CLCNKA: variants seen among roughly 807,000 people sequenced by gnomAD.
CLCNKA encodes chloride voltage-gated channel Ka, also known as chloride channel protein ClC-Ka.
A neutral mutation model predicts 83.3 loss-of-function variants in CLCNKA; 66 were observed. The ratio of observed to expected loss-of-function variants is 0.79; its 90% CI spans 0.65 to 0.97. The LOEUF is 0.97. Ranked by LOEUF, CLCNKA falls within the 50% of genes least tolerant of loss-of-function variation. The pLI, the probability that CLCNKA is intolerant of heterozygous loss-of-function variation, is 0.00. For synonymous variants in CLCNKA, 357 were observed against 370.4 expected, an observed-to-expected ratio of 0.96 and a Z score of 0.42; for missense variants, 806 against 888.7, an observed-to-expected ratio of 0.91 and a Z score of 1.18.
rs776013834 is a variant in CLCNKA at position 16,030,726 on chromosome 1, T to G, written c.1622+52T>G. Reference sequence around the variant, plus strand: ...TGAAGGGGGTCACAGTGTTTGGGCTTGGCTGGGGGTGGAGGGCACCTCCAA... The same window carrying G: ...TGAAGGGGGTCACAGTGTTTGGGCTGGGCTGGGGGTGGAGGGCACCTCCAA... On this transcript the variant is annotated intron_variant, in intron 15 of 19. Coordinates refer to ENST00000331433, the MANE Select transcript of CLCNKA (RefSeq NM_004070.4). 67 of 1,610,304 alleles carry G rather than the reference T, an allele frequency of 4.2e-5. 1 individual carries two copies. In the Middle Eastern group the frequency reaches 1.0e-3, roughly 24 times the overall value.
intron 15 of CLCNKA, 90 bp from the exon 16 acceptor site, chr1:16,031,620 G>T: frequency 6.3e-7 from 1 of 1,588,976 alleles, no homozygotes. Context: ...GTGGGTCCCT[G>T]GTTCAAGCAA....
chr1:16,025,783 T>C (rs529076652), intron 4 of CLCNKA, among the ~76,000 whole-genome samples: 221 of 152,336 alleles, frequency 1.5e-3, no homozygotes, highest in African/African-American at 5.1e-3. Flanking sequence ...AGATGGAGTT[T>C]CACTCTTGTT....
rs199851168 is a variant in CLCNKA at position 16,022,743 on chromosome 1, A to T, written c.100+24A>T. 5.2e-5 allele frequency: 76 copies of T among 1,465,620 alleles called. No homozygotes were observed. In the East Asian group the frequency reaches 9.8e-4, roughly 19 times the overall value. 90.8% of individuals were successfully genotyped at this position (1,465,620 alleles called of 1,614,324 possible). A position where few individuals can be genotyped will look rare whatever the true frequency, so the allele number is the denominator to read the frequency against. On this transcript the variant is annotated intron_variant, in intron 2 of 19. Coordinates refer to ENST00000331433, the MANE Select transcript of CLCNKA (RefSeq NM_004070.4). Reference sequence around the variant, plus strand: ...AGGTGAGAGCCAGGTCCTCTTCCCTACCCGCGGGGGACCACTCAGGACATC... The same window carrying T: ...AGGTGAGAGCCAGGTCCTCTTCCCTTCCCGCGGGGGACCACTCAGGACATC...
chr1:16,022,414 C>G (rs1222844563), intron 1 of CLCNKA, among the ~76,000 whole-genome samples, 199 bp from the exon 2 acceptor site: 1 of 152,148 alleles, frequency 6.6e-6, no homozygotes, highest in East Asian at 1.9e-4. Context: ...CCTCATCCCA[C>G]AAAATGACAC....
intron 11 of CLCNKA, 23 bp downstream of exon 11, chr1:16,028,868 G>A (rs775306015): frequency 1.9e-6 from 3 of 1,610,946 alleles, no homozygotes; most frequent in Admixed American, 3.3e-5. Flanking sequence ...GAGCGGGGGT[G>A]GCAGGAGTGG....
chr1:16,025,809 C>T (rs1463845626), intron 4 of CLCNKA, among the ~76,000 whole-genome samples: 1 of 152,164 alleles, frequency 6.6e-6, no homozygotes, highest in African/African-American at 2.4e-5. Flanking sequence ...AGGTGGAGTG[C>T]AATGGCACAA....
At position 16,027,300 on chromosome 1, in the gene CLCNKA, T is replaced by C; in HGVS notation, c.656-10T>C. On this transcript the variant is annotated splice_polypyrimidine_tract_variant and intron_variant, in intron 7 of 19. Transcript: ENST00000331433. ...GGTGGGGGCCCACCTGACATCAGTG[T>C]CGCCCCCAGGCGTCCTGTTCAGCAT... 2 of 1,612,768 alleles carry C rather than the reference T, an allele frequency of 1.2e-6. No individual in the cohort carries two copies. The highest frequency in any genetic ancestry group is 1.7e-6 in the Non-Finnish European group (2 of 1,179,960).
At chr1:16,026,511 C>G in intron 5 of CLCNKA, 25 bp from the exon 6 acceptor site, 1 of 1,613,622 alleles carries the variant, frequency 6.2e-7, no homozygotes, top group Non-Finnish European at 8.5e-7. Flanking sequence ...GCTGCCCTCA[C>G]CTGGGCCCAC....
chr1:16,027,256 A>G, intron 7 of CLCNKA, 54 bp from the exon 8 acceptor site: 1 of 1,606,242 alleles, frequency 6.2e-7, no homozygotes. Flanking sequence ...AGGGGGCCCT[A>G]CAGCCACAGG....
rs1372968236 is a variant in CLCNKA, at chr1:16,031,863, G to A, written c.1756+20G>A. The A allele has an allele frequency of 6.2e-6, 10 of 1,613,472 alleles. No homozygotes were observed. In the African/African-American group the frequency reaches 1.1e-4, roughly 17 times the overall value. The stretch of plus-strand genomic sequence containing the variant: ...GCACAGGTGCCCAGCTGGAAGGGAG[G>A]AGGAAGTCGGGGGTAGGGGATGCCC... On this transcript the variant is annotated intron_variant, in intron 16 of 19. Transcript: ENST00000331433.
Position 16,033,230 on chromosome 1 carries a change from G to A in CLCNKA, c.1990G>A (p.Ala664Thr), listed in dbSNP as rs749669024. Residue 664 changes from alanine to threonine, a missense_variant, in exon 19 of 20, where the codon GCT becomes ACT. Coordinates refer to ENST00000331433, the MANE Select transcript of CLCNKA (RefSeq NM_004070.4). ...QSLFVTSRGRAVGCVSWVEMK... is the reference protein window; with the variant it reads ...QSLFVTSRGRTVGCVSWVEMK... ...CCTCTTCGTGACATCGCGGGGCAGA[G>A]CTGTGGGCTGCGTGTCCTGGGTGGA... The A allele has an allele frequency of 6.2e-7, 1 of 1,614,140 alleles. No homozygotes were observed. Among genetic ancestry groups the A allele is most frequent in the South Asian group, 1.1e-5 (1 of 91,084 alleles).
chr1:16,032,325 G>T, intron 17 of CLCNKA, 34 bp downstream of exon 17: 1 of 1,493,114 alleles, frequency 6.7e-7, no homozygotes, highest in East Asian at 2.3e-5. Context: ...GGATGGGGCG[G>T]GGGTGGGTCA....
intron 10 of CLCNKA, 146 bp downstream of exon 10, chr1:16,028,265 C>T: frequency 3.9e-6 from 3 of 764,524 alleles, no homozygotes; most frequent in Non-Finnish European, 6.7e-6. Flanking sequence ...TCTCCAAGTC[C>T]CCACAGTCAC....
intron 19 of CLCNKA, 30 bp downstream of exon 19, chr1:16,033,286 A>C (rs1415856009): frequency 1.2e-6 from 2 of 1,610,130 alleles, no homozygotes; most frequent in Admixed American, 1.7e-5. Flanking sequence ...AGAGCAAAGC[A>C]GGGGACCCAT....
rs751477035 is a variant in CLCNKA, at chr1:16,029,782, A to G, written c.1279A>G (p.Met427Val). 6.2e-6 allele frequency: 10 copies of G among 1,614,056 alleles called. No individual in the cohort carries two copies. The East Asian group carries it at 2.2e-4, about 36-fold the overall frequency. ...CATCCCCATGCCTGCCGGGTACTTC[A>G]TGCCCATCTTTATCCTTGGTGAGTC... ...TTIPMPAGYF[M>V]PIFILGAAIG... Residue 427 changes from methionine to valine, a missense_variant, in exon 13 of 20, where the codon ATG becomes GTG. Physicochemically the swap from Met to Val is conservative, Grantham distance 21 (BLOSUM62 1). Transcript: ENST00000331433.
Position 16,031,571 on chromosome 1 carries a change from T to C in CLCNKA, c.1623-139T>C, listed in dbSNP as rs1029445923. ...CACTGTGGGTTCTAGGAGTCCCTCA[T>C]TCCAGGAACCTCTCCAGCCCTGCTC... On this transcript the variant is annotated intron_variant, in intron 15 of 19. Coordinates refer to ENST00000331433, the MANE Select transcript of CLCNKA (RefSeq NM_004070.4). The C allele has an allele frequency of 2.5e-5, 31 of 1,263,192 alleles. No individual in the cohort carries two copies. In the Admixed American group the frequency reaches 4.2e-4, roughly 17 times the overall value. 78.2% of individuals were successfully genotyped at this position (1,263,192 alleles called of 1,614,324 possible).
At chr1:16,028,915 C>A in intron 11 of CLCNKA, 70 bp downstream of exon 11, 1 of 1,566,848 alleles carries the variant, frequency 6.4e-7, no homozygotes, top group Non-Finnish European at 8.8e-7. Context: ...ATGTGTCTCA[C>A]GTAATACCCT....
chr1:16,030,761 C>T (rs533709806), intron 15 of CLCNKA, 87 bp downstream of exon 15: 11 of 1,551,766 alleles, frequency 7.1e-6, no homozygotes, highest in Non-Finnish European at 6.2e-6. Flanking sequence ...AAAAGAAACA[C>T]CACCGCAGCT....
chr1:16,027,805 T>C lies in CLCNKA; in HGVS notation c.782-16T>C, dbSNP rs1570303280. ...TGGGAGCGCCATCTTGGCTCCCCAC[T>C]GCCCTCCTTCCCCAGAGACCATCAC... On this transcript the variant is annotated splice_polypyrimidine_tract_variant and intron_variant, in intron 8 of 19. Coordinates refer to ENST00000331433, the MANE Select transcript of CLCNKA (RefSeq NM_004070.4). 1 of 1,604,090 alleles carries C rather than the reference T, an allele frequency of 6.2e-7. No individual in the cohort carries two copies. The highest frequency in any genetic ancestry group is 1.1e-5 in the South Asian group (1 of 90,656).
Sources: gnomAD v4.1 joint callset for allele counts (sites outside exome capture counted in the v4.1 genomes callset) on GRCh38, gnomAD v4.1.1 for gene constraint, MANE v1.5 for transcripts, NCBI Gene and HGNC (gene_info 2026-07-23, HGNC 2026-07-21) for gene names.